The following CAMSAP2 variants were observed in gnomAD, a reference collection of about 807,000 sequenced individuals.
CAMSAP2 encodes calmodulin regulated spectrin associated protein family member 2, also known as calmodulin-regulated spectrin-associated protein 2.
In CAMSAP2, 26 loss-of-function variants were observed where a neutral mutation model predicts 146.1. The observed-to-expected ratio is 0.18, with a 90% CI of 0.13 to 0.25. The LOEUF is 0.25. Among genes scored for constraint, CAMSAP2 ranks in the 10% least tolerant of loss-of-function variants. The pLI, the probability that CAMSAP2 is intolerant of heterozygous loss-of-function variation, is 1.00. For synonymous variants in CAMSAP2, 499 were observed against 596.6 expected, an observed-to-expected ratio of 0.84 and a Z score of 2.38; for missense variants, 1,381 against 1,759.3, an observed-to-expected ratio of 0.78 and a Z score of 3.85.
Position 200,850,075 on chromosome 1 carries a change from C to T in CAMSAP2, c.3306C>T (p.Phe1102=), listed in dbSNP as rs780936930. 3.7e-6 allele frequency: 6 copies of T among 1,613,856 alleles called. No homozygotes were observed. The highest frequency in any genetic ancestry group is 1.7e-4 in the Middle Eastern group (1 of 6,058). The part of the protein sequence containing the change: ...QPTEPPPKPV[F]PPTAPKNVNL... ...CAGAACCCCCTCCTAAACCCGTTTT[C>T]CCACCCACTGCTCCAAAAAATGTTA... The change falls in exon 11 of 17, where the codon TTC becomes TTT. Residue 1102 remains phenylalanine (F), a synonymous_variant. Transcript: ENST00000358823.
intron 2 of CAMSAP2, among the ~76,000 whole-genome samples, chr1:200,793,949 A>C (rs974209556): frequency 2.6e-5 from 4 of 152,242 alleles, no homozygotes. Context: ...AAAGGTAAGC[A>C]GAAACAACTT....
At chr1:200,770,889 G>A (rs993896735) in intron 2 of CAMSAP2, among the ~76,000 whole-genome samples, 2 of 152,142 alleles carry the variant, frequency 1.3e-5, no homozygotes, top group Non-Finnish European at 1.5e-5. Flanking sequence ...GGAAAGAGGT[G>A]TAGAAAGAAA....
At chr1:200,840,074 TCAC>T (rs1199735455) in intron 6 of CAMSAP2, among the ~76,000 whole-genome samples, 1 of 152,136 alleles carries the variant, frequency 6.6e-6, no homozygotes, top group Non-Finnish European at 1.5e-5. Context: ...CAAATGCTCT[TCAC>T]CACTGTGCAT....
intron 2 of CAMSAP2, among the ~76,000 whole-genome samples, chr1:200,776,000 A>G (rs1345958440): frequency 6.6e-6 from 1 of 151,986 alleles, no homozygotes; most frequent in Non-Finnish European, 1.5e-5. Context: ...AAAAAAAAAG[A>G]AAAGAAAAAT....
intron 2 of CAMSAP2, among the ~76,000 whole-genome samples, chr1:200,788,293 C>A (rs1046719645): frequency 3.3e-5 from 5 of 152,204 alleles, no homozygotes; most frequent in African/African-American, 1.2e-4. Context: ...TGAAGAATGT[C>A]TTGGTTGCTT....
intron 1 of CAMSAP2, among the ~76,000 whole-genome samples, chr1:200,757,810 T>G (rs1450811600): frequency 6.6e-6 from 1 of 152,210 alleles, no homozygotes; most frequent in East Asian, 1.9e-4. Context: ...AAACAGTCTT[T>G]GATTAGCTGT....
chr1:200,836,605 C>G (rs1667190504), intron 6 of CAMSAP2, among the ~76,000 whole-genome samples: 1 of 152,048 alleles, frequency 6.6e-6, no homozygotes, highest in South Asian at 2.1e-4. Flanking sequence ...TGGGATATAC[C>G]CAGTAATGGG....
At chr1:200,757,267 C>T (rs1161605186) in intron 1 of CAMSAP2, among the ~76,000 whole-genome samples, 1 of 152,190 alleles carries the variant, frequency 6.6e-6, no homozygotes, top group East Asian at 1.9e-4. Flanking sequence ...AATGTGGATG[C>T]AACTGGTAGC....
chr1:200,771,986 A>G (rs571430867), intron 2 of CAMSAP2, among the ~76,000 whole-genome samples: 5 of 152,306 alleles, frequency 3.3e-5, no homozygotes, highest in Admixed American at 2.6e-4. Context: ...GCTAAACAAT[A>G]AATAAATAAA....
At chr1:200,813,849 A>G (rs1666400610) in intron 3 of CAMSAP2, among the ~76,000 whole-genome samples, 1 of 152,090 alleles carries the variant, frequency 6.6e-6, no homozygotes, top group South Asian at 2.1e-4. Context: ...CTGTAATCCC[A>G]ACACTTTCGG....
At chr1:200,796,043 T>C (rs1665875909) in intron 2 of CAMSAP2, among the ~76,000 whole-genome samples, 1 of 152,204 alleles carries the variant, frequency 6.6e-6, no homozygotes, top group African/African-American at 2.4e-5. Context: ...TTTGAAACTC[T>C]TCAGAGAGGT....
intron 1 of CAMSAP2, among the ~76,000 whole-genome samples, chr1:200,751,215 C>T (rs972327206): frequency 1.3e-5 from 2 of 149,974 alleles, no homozygotes; most frequent in African/African-American, 2.5e-5. Flanking sequence ...GTATATATAA[C>T]GTGTGTGTGT....
rs1440506643 is a variant in CAMSAP2, at chr1:200,856,109, T to C, written c.3996T>C (p.Ser1332=). The part of the protein sequence containing the change: ...ENASTTSSVA[S]GTEYTGPKLY... ...CATCAACAACTTCTTCAGTGGCTTCTGGAACAGAATATACAGGTTAGTGTC... is the reference window on the plus strand; with the variant it reads ...CATCAACAACTTCTTCAGTGGCTTCCGGAACAGAATATACAGGTTAGTGTC... The change falls in exon 15 of 17, where the codon TCT becomes TCC. Residue 1332 remains serine, a synonymous_variant. Transcript: ENST00000358823. 1.2e-6 allele frequency: 2 copies of C among 1,608,830 alleles called. No homozygotes were observed. The highest frequency in any genetic ancestry group is 1.7e-6 in the Non-Finnish European group (2 of 1,175,196).
chr1:200,764,606 G>A (rs1167175507), intron 2 of CAMSAP2, among the ~76,000 whole-genome samples: 1 of 152,120 alleles, frequency 6.6e-6, no homozygotes, highest in Admixed American at 6.5e-5. Flanking sequence ...GAAATAACAT[G>A]CCTTGTATGC....
At chr1:200,783,735 T>G (rs769439303) in intron 2 of CAMSAP2, among the ~76,000 whole-genome samples, 1 of 152,166 alleles carries the variant, frequency 6.6e-6, no homozygotes, top group Non-Finnish European at 1.5e-5. Context: ...GTAGTCCTCC[T>G]GCCTTGGCCT....
At position 200,804,706 on chromosome 1, in the gene CAMSAP2, A is replaced by G. The variant is rs80198612; in HGVS notation, c.400-2670A>G. 9.1e-3 allele frequency among the ~76,000 whole-genome samples: 1,389 copies of G among 152,366 alleles called. 61 individuals carry two copies. The highest frequency in any genetic ancestry group is 0.067 in the Admixed American group (1,029 of 15,296). ...GAGGATACATACAGATGAATGACTAAGAGAAAGGCTGCAATATTCTGAGTG... is the reference window on the plus strand; with the variant it reads ...GAGGATACATACAGATGAATGACTAGGAGAAAGGCTGCAATATTCTGAGTG... On this transcript the variant is annotated intron_variant, in intron 2 of 16. Coordinates refer to ENST00000358823, the MANE Select transcript of CAMSAP2 (RefSeq NM_203459.4).
intron 2 of CAMSAP2, among the ~76,000 whole-genome samples, chr1:200,767,783 G>A (rs1664997329): frequency 6.6e-6 from 1 of 152,110 alleles, no homozygotes; most frequent in African/African-American, 2.4e-5. Flanking sequence ...TTCATGCACA[G>A]TGCTAGAACT....
In CAMSAP2 at chr1:200,746,381, C is replaced by A. The variant is rs372305348; in HGVS notation, c.139+6415C>A. On this transcript the variant is annotated intron_variant, in intron 1 of 16. Transcript: ENST00000358823. ...GGATATGTGGAAGAAAAGATGAGAT[C>A]TTGGGAAGTGTTAAGATTGATTCTA... 7.2e-5 allele frequency among the ~76,000 whole-genome samples: 11 copies of A among 152,100 alleles called. No individual in the cohort carries two copies. The East Asian group carries it at 2.1e-3, about 29-fold the overall frequency.
intron 6 of CAMSAP2, among the ~76,000 whole-genome samples, chr1:200,835,706 ATCTTGTAATGCTTTT>A (rs1327340916): frequency 6.6e-6 from 1 of 152,204 alleles, no homozygotes; most frequent in Non-Finnish European, 1.5e-5. Context: ...TTCCATATAT[ATCTTGTAATGCTTTT>A]TCTGGTATTT....
Sources: allele counts gnomAD v4.1 joint callset (sites outside exome capture counted in the v4.1 genomes callset), GRCh38; gene constraint gnomAD v4.1.1; transcripts MANE v1.5; gene names NCBI Gene and HGNC (gene_info 2026-07-23, HGNC 2026-07-21).